The following CFAP77 variants were observed in gnomAD, a reference collection of about 807,000 sequenced individuals.
CFAP77 encodes the protein cilia- and flagella-associated protein 77.
CFAP77 carries 25 observed loss-of-function variants against 31.1 expected under a neutral mutation model. The ratio of observed to expected loss-of-function variants is 0.80; its 90% confidence interval spans 0.59 to 1.12. The LOEUF (loss-of-function observed/expected upper bound fraction) is 1.12. CFAP77 is among the 50% of genes most tolerant of loss of function. The probability of loss-of-function intolerance (pLI) is 0.00; values close to 1 mark genes in which losing one functional copy is unlikely to be tolerated. For synonymous variants in CFAP77, 151 were observed against 159.9 expected, an observed-to-expected ratio of 0.94 and a Z score of 0.42; for missense variants, 377 against 397.3, an observed-to-expected ratio of 0.95 and a Z score of 0.44.
intron 1 of CFAP77, among the ~76,000 whole-genome samples, chr9:132,438,541 A>ATATATATATATATATATATATATATTTTT: frequency 2.0e-4 from 22 of 108,092 alleles, no homozygotes; most frequent in Non-Finnish European, 3.4e-4. Context: ...ATATATATAT[A>ATATATATATATATATATATATATATTTTT]TTTTTTTTTT....
At position 132,429,155 on chromosome 9, in the gene CFAP77, C is replaced by T. The variant is rs147921401; in HGVS notation, c.195+18689C>T. Among the ~76,000 whole-genome samples the T allele has an allele frequency of 8.6e-4, 131 of 151,774 alleles. 1 individual carries two copies. In the East Asian group the frequency reaches 0.021, roughly 24 times the overall value. ...TTTTTTCTCGGACTGCTAGAGATTG[C>T]GGAGGAGAGGCAGACTAGATTGGAA... On this transcript the variant is annotated intron_variant, in intron 1 of 5. Coordinates refer to ENST00000393216, the MANE Select transcript of CFAP77 (RefSeq NM_001282957.2).
chr9:132,418,788 T>C (rs1850158281), intron 1 of CFAP77, among the ~76,000 whole-genome samples: 1 of 152,230 alleles, frequency 6.6e-6, no homozygotes, highest in African/African-American at 2.4e-5. Flanking sequence ...GTAGACAAGC[T>C]TTGTTTCCCT....
At chr9:132,492,757 C>T (rs1004115271) in intron 1 of CFAP77, among the ~76,000 whole-genome samples, 1 of 152,196 alleles carries the variant, frequency 6.6e-6, no homozygotes, top group Admixed American at 6.5e-5. Context: ...GGCACATGGG[C>T]AGGTGGGTGT....
At chr9:132,505,652 T>C (rs531239473) in intron 3 of CFAP77, among the ~76,000 whole-genome samples, 37 of 152,262 alleles carry the variant, frequency 2.4e-4, no homozygotes, top group Admixed American at 1.8e-3. Flanking sequence ...TATAAATACC[T>C]GAATTTTCCA....
At chr9:132,458,482 G>GT (rs1402542623) in intron 1 of CFAP77, among the ~76,000 whole-genome samples, 1 of 152,152 alleles carries the variant, frequency 6.6e-6, no homozygotes, top group Non-Finnish European at 1.5e-5. Flanking sequence ...TGTGGGCTAG[G>GT]TTTCATCCTA....
rs551099515 is a variant in CFAP77 at position 132,517,731 on chromosome 9, C to T, written c.524+18131C>T. 2.0e-5 allele frequency among the ~76,000 whole-genome samples: 3 copies of T among 152,326 alleles called. No homozygotes were observed. Among genetic ancestry groups the T allele is most frequent in the South Asian group, 4.1e-4 (2 of 4,830 alleles). On this transcript the variant is annotated intron_variant, in intron 3 of 5. Transcript: ENST00000393216. The surrounding 1 kb of genome is among the most constrained non-coding windows in gnomAD (Gnocchi z 4.7). Reference sequence around the variant, plus strand: ...CACTCCTGGCAGAGCGGAGCCGCACCGGCAAATCAGAGCTGTCAGCCCTCA... The same window carrying T: ...CACTCCTGGCAGAGCGGAGCCGCACTGGCAAATCAGAGCTGTCAGCCCTCA...
At chr9:132,433,632 C>A (rs1324106503) in intron 1 of CFAP77, among the ~76,000 whole-genome samples, 1 of 151,966 alleles carries the variant, frequency 6.6e-6, no homozygotes, top group Non-Finnish European at 1.5e-5. Flanking sequence ...ACTGCAACCT[C>A]CGCCTCCTGG....
At chr9:132,520,218 C>T (rs1852244649) in intron 3 of CFAP77, among the ~76,000 whole-genome samples, 2 of 152,142 alleles carry the variant, frequency 1.3e-5, no homozygotes, top group African/African-American at 4.8e-5. Context: ...CAGCCATTTA[C>T]TCCTCAATCT....
chr9:132,560,096 G>A (rs1269206823), intron 5 of CFAP77, among the ~76,000 whole-genome samples: 2 of 152,210 alleles, frequency 1.3e-5, no homozygotes, highest in African/African-American at 4.8e-5. Flanking sequence ...TAAACTTAGG[G>A]TGTGGAGGTG....
Position 132,414,499 on chromosome 9 carries a change from TCACACACACACACACACACA to T in CFAP77, c.195+4055_195+4074del, listed in dbSNP as rs34016277. On this transcript the variant is annotated intron_variant, in intron 1 of 5. Coordinates refer to ENST00000393216, the MANE Select transcript of CFAP77 (RefSeq NM_001282957.2). ...GCTCTTGGGAAATGTTAGCTCTTAT[TCACACACACACACACACACA>T]CACACACACACACACACACACGCAG... 3.5e-5 allele frequency among the ~76,000 whole-genome samples: 5 copies of T among 143,678 alleles called. No homozygotes were observed. The South Asian group carries it at 9.2e-4, about 26-fold the overall frequency. 94.3% of individuals were successfully genotyped at this position (143,678 alleles called of 152,430 possible).
chr9:132,460,752 G>T (rs1385865053), intron 1 of CFAP77, among the ~76,000 whole-genome samples: 1 of 152,114 alleles, frequency 6.6e-6, no homozygotes, highest in Non-Finnish European at 1.5e-5. Flanking sequence ...CACTTTAAAA[G>T]GGTCAATTCT....
chr9:132,438,542 T>TATATATATATATATATATATATATATA (rs1491134869), intron 1 of CFAP77, among the ~76,000 whole-genome samples: 1 of 81,950 alleles, frequency 1.2e-5, no homozygotes, highest in Non-Finnish European at 2.4e-5. Context: ...TATATATATA[T>TATATATATATATATATATATATATATA]TTTTTTTTTT....
intron 3 of CFAP77, among the ~76,000 whole-genome samples, chr9:132,516,627 A>G (rs1365192669): frequency 1.3e-5 from 2 of 149,296 alleles, no homozygotes; most frequent in Admixed American, 6.7e-5. Context: ...ACACACGAGT[A>G]TGGGCGAAAT....
intron 1 of CFAP77, among the ~76,000 whole-genome samples, chr9:132,458,341 G>GC (rs1564210944): frequency 2.1e-4 from 28 of 136,280 alleles, no homozygotes; most frequent in African/African-American, 8.0e-4. Flanking sequence ...TGTCTCCCTG[G>GC]CGGGGGAGGG....
chr9:132,503,176 G>A (rs751673646), intron 3 of CFAP77, among the ~76,000 whole-genome samples: 3 of 152,206 alleles, frequency 2.0e-5, no homozygotes, highest in Non-Finnish European at 4.4e-5. Flanking sequence ...CGTCCTCCCT[G>A]TACCTTTGAA....
chr9:132,477,713 C>A (rs1200913188), intron 1 of CFAP77, among the ~76,000 whole-genome samples: 1 of 152,134 alleles, frequency 6.6e-6, no homozygotes, highest in Non-Finnish European at 1.5e-5. Context: ...CCTCCTGGCT[C>A]CCTTTCTTGA....
intron 1 of CFAP77, among the ~76,000 whole-genome samples, chr9:132,416,404 G>A (rs1167611708): frequency 2.4e-5 from 3 of 124,694 alleles, no homozygotes; most frequent in East Asian, 2.3e-4. Context: ...GCAATGGCAC[G>A]ATCTTGGCTT....
intron 5 of CFAP77, among the ~76,000 whole-genome samples, chr9:132,544,414 C>T (rs1352651924): frequency 6.6e-6 from 1 of 152,104 alleles, no homozygotes; most frequent in Non-Finnish European, 1.5e-5. Context: ...TCTGCTTCTC[C>T]TGCTCTCTCA....
At chr9:132,453,668 G>A (rs1370540788) in intron 1 of CFAP77, among the ~76,000 whole-genome samples, 1 of 152,232 alleles carries the variant, frequency 6.6e-6, no homozygotes, top group African/African-American at 2.4e-5. Flanking sequence ...GCTTCAGTGT[G>A]GGGGCTGGAG....
Sources: allele counts gnomAD v4.1 joint callset (sites outside exome capture counted in the v4.1 genomes callset), GRCh38; gene constraint gnomAD v4.1.1; non-coding constraint Gnocchi (gnomAD v3.1); transcripts MANE v1.5; gene names NCBI Gene and HGNC (gene_info 2026-07-23, HGNC 2026-07-21).